Variants in CACNA1C observed in about 807,000 individuals in gnomAD.
CACNA1C encodes the protein calcium voltage-gated channel subunit alpha1 C, also known as voltage-dependent L-type calcium channel subunit alpha-1C.
A neutral mutation model predicts 229.0 loss-of-function variants in CACNA1C; 30 were observed. The ratio of observed to expected loss-of-function variants is 0.13; its 90% CI spans 0.10 to 0.18. The LOEUF (loss-of-function observed/expected upper bound fraction) is 0.18. Among genes scored for constraint, CACNA1C ranks in the 10% least tolerant of loss-of-function variants. The pLI, the probability that CACNA1C is intolerant of heterozygous loss-of-function variation, is 1.00. For missense variants in CACNA1C, 1,658 were observed against 2,845.0 expected, an observed-to-expected ratio of 0.58 and a Z score of 9.49; for synonymous variants, 1,114 against 1,132.5, an observed-to-expected ratio of 0.98 and a Z score of 0.33.
At position 2,595,027 on chromosome 12, in the gene CACNA1C, T is replaced by C. The variant is rs1475809541; in HGVS notation, c.2664-847T>C. The stretch of plus-strand genomic sequence containing the variant: ...AGGTTGGTGGGAGGGGTTGTTGGTT[T>C]GAAGCAGATGATTCTTACAGCCATC... On this transcript the variant is annotated intron_variant, in intron 19 of 46. Coordinates refer to ENST00000399655, the MANE Select transcript of CACNA1C (RefSeq NM_000719.7). This position sits in a 1 kb window ranked among gnomAD's most constrained non-coding sequence, Gnocchi z 4.1. Among the ~76,000 whole-genome samples the C allele has an allele frequency of 6.6e-6, 1 of 152,232 alleles. No individual in the cohort carries two copies.
intron 1 of CACNA1C, chr12:1,992,517 C>T (rs957436421): frequency 6.5e-6 from 1 of 154,616 alleles, no homozygotes; most frequent in African/African-American, 2.4e-5. Context: ...TGTGTGCACA[C>T]ATATGTATTT....
In CACNA1C at chr12:2,225,232, T is replaced by C. The variant is rs573428196; in HGVS notation, c.477+104802T>C. ...TTAAAAAGCATTTATTCAGCACTTA[T>C]GTAGCATTGCACAAAGAGAATTATA... On this transcript the variant is annotated intron_variant, in intron 3 of 46. Coordinates refer to ENST00000399655, the MANE Select transcript of CACNA1C (RefSeq NM_000719.7). 1.1e-3 allele frequency among the ~76,000 whole-genome samples: 173 copies of C among 152,346 alleles called. 1 individual carries two copies. In the Middle Eastern group the frequency reaches 0.017, roughly 15 times the overall value.
At chr12:2,545,290 C>T (rs952568655) in intron 9 of CACNA1C, among the ~76,000 whole-genome samples, 2 of 143,800 alleles carry the variant, frequency 1.4e-5, no homozygotes, top group African/African-American at 5.1e-5. Context: ...GCTTCAAATG[C>T]CTAACAACCA....
chr12:2,183,725 G>C (rs771093714), intron 3 of CACNA1C, among the ~76,000 whole-genome samples: 5 of 152,208 alleles, frequency 3.3e-5, no homozygotes, highest in Admixed American at 6.5e-5. Flanking sequence ...CTCTGCCCTC[G>C]TCTCTTGCCT....
rs2091638797 is a variant in CACNA1C at position 2,633,790 on chromosome 12, C to T, written c.3829-507C>T. The T allele has an allele frequency of 1.2e-6, 1 of 809,032 alleles. No homozygotes were observed. Among genetic ancestry groups the T allele is most frequent in the Non-Finnish European group, 2.1e-6 (1 of 472,970 alleles). The allele number at this position is 809,032 out of a possible 1,614,324, so 50.1% of individuals were successfully genotyped here. ...CTCGTCTATTTCTCTCTCTCTCACT[C>T]TCTCTGTTTACCTTCTTTTATGTTT... On this transcript the variant is annotated intron_variant, in intron 29 of 46. Transcript: ENST00000399655. The surrounding 1 kb of genome is among the most constrained non-coding windows in gnomAD (Gnocchi z 5.8).
intron 3 of CACNA1C, among the ~76,000 whole-genome samples, chr12:2,420,972 G>A (rs1284189698): frequency 2.0e-5 from 3 of 152,164 alleles, no homozygotes; most frequent in Non-Finnish European, 4.4e-5. Flanking sequence ...CCTTATTTTA[G>A]TCAGATCCTG....
chr12:2,035,103 A>T (rs987080361), intron 1 of CACNA1C, among the ~76,000 whole-genome samples: 2 of 152,092 alleles, frequency 1.3e-5, no homozygotes, highest in Non-Finnish European at 2.9e-5. Context: ...ATGCGCGGAG[A>T]CCGCAAGGCC....
At chr12:2,611,870 C>G in intron 28 of CACNA1C, 33 bp from the exon 29 acceptor site, 2 of 1,384,642 alleles carry the variant, frequency 1.4e-6, no homozygotes, top group Non-Finnish European at 2.1e-6. Context: ...CTCCCTGCCC[C>G]GTGTTCACAG....
intron 46 of CACNA1C, among the ~76,000 whole-genome samples, chr12:2,690,364 C>G (rs779752913): frequency 1.3e-5 from 2 of 152,208 alleles, no homozygotes; most frequent in Admixed American, 1.3e-4. Context: ...GGGTCTCGCT[C>G]TGTCACCCAG....
At chr12:2,209,655 C>T (rs1033763432) in intron 3 of CACNA1C, among the ~76,000 whole-genome samples, 22 of 152,200 alleles carry the variant, frequency 1.4e-4, no homozygotes, top group African/African-American at 5.1e-4. Flanking sequence ...TCAGAAAGCT[C>T]ATCTCTGGAA....
intron 30 of CACNA1C, among the ~76,000 whole-genome samples, chr12:2,638,770 C>A (rs1450399775): frequency 6.6e-6 from 1 of 152,156 alleles, no homozygotes; most frequent in Non-Finnish European, 1.5e-5. Flanking sequence ...TGGCCTAAAT[C>A]AGAGGAGGAT....
chr12:2,038,071 A>C (rs562744745), intron 1 of CACNA1C, among the ~76,000 whole-genome samples: 9 of 152,222 alleles, frequency 5.9e-5, no homozygotes, highest in Admixed American at 4.6e-4. Context: ...ACTCCCTCCC[A>C]AAAGCACCCA....
At chr12:2,625,337 C>T (rs906665776) in intron 29 of CACNA1C, among the ~76,000 whole-genome samples, 9 of 152,214 alleles carry the variant, frequency 5.9e-5, no homozygotes, top group Admixed American at 2.0e-4. Flanking sequence ...CTGTGGTTTC[C>T]GTCTCTGGCC....
chr12:2,554,394 G>A (rs1450215150), intron 10 of CACNA1C, among the ~76,000 whole-genome samples: 4 of 152,124 alleles, frequency 2.6e-5, no homozygotes, highest in Non-Finnish European at 4.4e-5. Flanking sequence ...TCAAGAATCC[G>A]CTCAACCTGA....
At chr12:2,299,221 T>C (rs563812192) in intron 3 of CACNA1C, among the ~76,000 whole-genome samples, 1 of 152,306 alleles carries the variant, frequency 6.6e-6, no homozygotes, top group Non-Finnish European at 1.5e-5. Flanking sequence ...ATGGGGTGCC[T>C]GGGCCCCACC....
At chr12:2,172,093 C>T (rs2096506735) in intron 3 of CACNA1C, among the ~76,000 whole-genome samples, 1 of 152,244 alleles carries the variant, frequency 6.6e-6, no homozygotes, top group Non-Finnish European at 1.5e-5. Context: ...TAGAAACCGC[C>T]TCAGTGTTGG....
At chr12:2,230,876 C>G (rs1013251668) in intron 3 of CACNA1C, among the ~76,000 whole-genome samples, 1 of 152,156 alleles carries the variant, frequency 6.6e-6, no homozygotes, top group South Asian at 2.1e-4. Context: ...ATTATTATCC[C>G]GATTTTGCAG....
intron 1 of CACNA1C, among the ~76,000 whole-genome samples, chr12:1,979,150 T>C (rs2035343917): frequency 6.6e-6 from 1 of 152,062 alleles, no homozygotes; most frequent in Non-Finnish European, 1.5e-5. Context: ...GTGGCTGGGA[T>C]TACACGTGCC....
Position 2,053,708 on chromosome 12 carries a change from C to G in CACNA1C, c.49+97C>G. The G allele has an allele frequency of 1.1e-6, 1 of 932,662 alleles. No homozygotes were observed. The highest frequency in any genetic ancestry group is 2.8e-5 in the South Asian group (1 of 35,652). The allele number at this position is 932,662 out of a possible 1,614,324, so 57.8% of individuals were successfully genotyped here. A position where few individuals can be genotyped will look rare whatever the true frequency, so the allele number is the denominator to read the frequency against. Reference sequence around the variant, plus strand: ...CCCGCGGCCCCGGGGCCGGTCCCTGCGGAGTGGCCCGGGGCCGCGTCCGCG... The same window carrying G: ...CCCGCGGCCCCGGGGCCGGTCCCTGGGGAGTGGCCCGGGGCCGCGTCCGCG... On this transcript the variant is annotated intron_variant, in intron 1 of 46. Transcript: ENST00000399655. The surrounding 1 kb of genome is among the most constrained non-coding windows in gnomAD (Gnocchi z 5.8).
Sources: allele counts gnomAD v4.1 joint callset (sites outside exome capture counted in the v4.1 genomes callset), GRCh38; gene constraint gnomAD v4.1.1; non-coding constraint Gnocchi (gnomAD v3.1); transcripts MANE v1.5; gene names NCBI Gene and HGNC (gene_info 2026-07-23, HGNC 2026-07-21).